Variants in APOH observed in about 807,000 individuals in gnomAD.
APOH encodes the protein beta-2-glycoprotein 1.
In APOH, 48 loss-of-function variants were observed where a neutral mutation model predicts 39.8. That is an observed-to-expected ratio of 1.21 (90% CI 0.96 to 1.54). The LOEUF (loss-of-function observed/expected upper bound fraction) is 1.54. Among genes scored for constraint, APOH ranks in the 40% most tolerant of loss-of-function variants. The pLI is 0.00. For missense variants in APOH, 415 were observed against 421.2 expected, an observed-to-expected ratio of 0.99 and a Z score of 0.13; for synonymous variants, 153 against 151.1, an observed-to-expected ratio of 1.01 and a Z score of -0.09.
intron 2 of APOH, among the ~76,000 whole-genome samples, chr17:66,226,889 T>A (rs2073442983): frequency 3.1e-5 from 3 of 95,834 alleles, no homozygotes; most frequent in Non-Finnish European, 5.8e-5. Context: ...TTTTATTTAT[T>A]TATTTATTTT....
chr17:66,212,053 C>G lies in APOH; in HGVS notation c.*80G>C. 8.1e-7 allele frequency: 1 copy of G among 1,240,236 alleles called. No individual in the cohort carries two copies. Among genetic ancestry groups the G allele is most frequent in the Admixed American group, 1.7e-5 (1 of 57,532 alleles). The allele number at this position is 1,240,236 out of a possible 1,614,324, so 76.8% of individuals were successfully genotyped here. A position where few individuals can be genotyped will look rare whatever the true frequency, so the allele number is the denominator to read the frequency against. On this transcript the variant is annotated 3_prime_UTR_variant, in exon 8 of 8. Coordinates refer to ENST00000205948, the MANE Select transcript of APOH (RefSeq NM_000042.3). ...ATGGGTGCGGCAATAAATTCAGTAGCTTTATTTTTAAATTTCAATTAGGTT... is the reference window on the plus strand; with the variant it reads ...ATGGGTGCGGCAATAAATTCAGTAGGTTTATTTTTAAATTTCAATTAGGTT...
In APOH at chr17:66,221,874, TG is replaced by T. The variant is rs200883288; in HGVS notation, c.416-1133del. Among the ~76,000 whole-genome samples the T allele has an allele frequency of 7.9e-5, 12 of 152,282 alleles. 1 individual carries two copies. The East Asian group carries it at 2.3e-3, about 29-fold the overall frequency. On this transcript the variant is annotated intron_variant, in intron 4 of 7. Coordinates refer to ENST00000205948, the MANE Select transcript of APOH (RefSeq NM_000042.3). ...ATTTACCTTGACTTCCCTAGATCCC[TG>T]CTGCTCAAAATGTGGTCCAGGGGCT...
intron 4 of APOH, among the ~76,000 whole-genome samples, chr17:66,221,401 AAGG>A (rs1360479371): frequency 3.8e-4 from 26 of 69,044 alleles, no homozygotes; most frequent in African/African-American, 6.8e-4. Context: ...GGAAGGAAGG[AAGG>A]AAGGAAGGAA....
intron 6 of APOH, among the ~76,000 whole-genome samples, chr17:66,215,467 C>T (rs575303615): frequency 4.6e-5 from 7 of 152,186 alleles, no homozygotes; most frequent in East Asian, 3.9e-4. Flanking sequence ...GCCTTACCCT[C>T]GCAAATCTGC....
intron 2 of APOH, among the ~76,000 whole-genome samples, chr17:66,227,544 T>C (rs1208513628): frequency 6.6e-6 from 1 of 152,204 alleles, no homozygotes; most frequent in Non-Finnish European, 1.5e-5. Flanking sequence ...TTATTTTAAT[T>C]TGACCTCTTT....
At chr17:66,216,738 C>T (rs1335853815) in intron 6 of APOH, 50 bp downstream of exon 6, 27 of 1,469,934 alleles carry the variant, frequency 1.8e-5, no homozygotes, top group Non-Finnish European at 2.4e-5. Flanking sequence ...TAAAGGTGAT[C>T]CACTGTATCA....
At chr17:66,227,272 A>T (rs540717661) in intron 2 of APOH, among the ~76,000 whole-genome samples, 62 of 152,338 alleles carry the variant, frequency 4.1e-4, no homozygotes, top group South Asian at 1.0e-3. Flanking sequence ...AAAGCATAGT[A>T]AAATCAACTT....
intron 4 of APOH, 37 bp downstream of exon 4, chr17:66,223,661 T>A: frequency 6.2e-7 from 1 of 1,600,190 alleles, no homozygotes; most frequent in Non-Finnish European, 8.6e-7. Context: ...AGAAAGGTTC[T>A]GGGCAAACCA....
intron 5 of APOH, among the ~76,000 whole-genome samples, chr17:66,219,619 G>A (rs2073385452): frequency 6.6e-6 from 1 of 152,154 alleles, no homozygotes; most frequent in Non-Finnish European, 1.5e-5. Flanking sequence ...GAAGTTAATA[G>A]TCACGAGAAT....
intron 5 of APOH, among the ~76,000 whole-genome samples, chr17:66,217,327 T>C (rs2146992473): frequency 6.8e-6 from 1 of 146,552 alleles, no homozygotes; most frequent in East Asian, 2.0e-4. Flanking sequence ...ACCATAAAAT[T>C]AAAATGCAAA....
rs1369861786 is a variant in APOH, at chr17:66,220,704, T to C, written c.454A>G (p.Thr152Ala). Residue 152 changes from threonine to alanine, a missense_variant, in exon 5 of 8, where the codon ACA becomes GCA. Around this residue, in one of 3 missense-constraint regions of APOH, gnomAD observed 288 missense variants for 284.9 expected, o/e 1.01. Transcript: ENST00000205948. ...GCTGATGGCTTATAAACACGAAGTG[T>C]TGCAAACGTAGGTATGGATGGTGGA... is the stretch of plus-strand genomic sequence containing the variant. ...CPPPSIPTFATLRVYKPSAGN... is the reference protein window; with the variant it reads ...CPPPSIPTFAALRVYKPSAGN... The C allele has an allele frequency of 6.2e-7, 1 of 1,613,986 alleles. No homozygotes were observed.
At position 66,224,470 on chromosome 17, in the gene APOH, T is replaced by TAAAAAAAAAAAAAAAA. The variant is rs760150264; in HGVS notation, c.339-712_339-697dup. On this transcript the variant is annotated intron_variant, in intron 3 of 7. Coordinates refer to ENST00000205948, the MANE Select transcript of APOH (RefSeq NM_000042.3). The stretch of plus-strand genomic sequence containing the variant: ...GACTGAGCAACAGAGGAAGATCCTG[T>TAAAAAAAAAAAAAAAA]AAAAAAAAAAAAAAAAAAAAAGAAA... Among the ~76,000 whole-genome samples, 2 of 43,016 alleles carry TAAAAAAAAAAAAAAAA rather than the reference T, an allele frequency of 4.6e-5. 1 individual carries two copies. Among genetic ancestry groups the TAAAAAAAAAAAAAAAA allele is most frequent in the Non-Finnish European group, 6.3e-5 (2 of 31,620 alleles). The allele number at this position is 43,016 out of a possible 152,430, so 28.2% of individuals were successfully genotyped here.
At position 66,221,266 on chromosome 17, in the gene APOH, A is replaced by AAAGGAAGGAAGG. The variant is rs369169198; in HGVS notation, c.416-536_416-525dup. Reference sequence around the variant, plus strand: ...CAGAAAGAAAGAGAGAGAGAGAAAGAAAGGAAGGAAGGAAGGAAGGAAGGA... The same window carrying AAAGGAAGGAAGG: ...CAGAAAGAAAGAGAGAGAGAGAAAGAAAGGAAGGAAGGAAGGAAGGAAGGAAGGAAGGAAGGA... On this transcript the variant is annotated intron_variant, in intron 4 of 7. Transcript: ENST00000205948. Among the ~76,000 whole-genome samples, 669 of 120,528 alleles carry AAAGGAAGGAAGG rather than the reference A, an allele frequency of 5.6e-3. 13 individuals are homozygous for AAAGGAAGGAAGG. Among genetic ancestry groups the AAAGGAAGGAAGG allele is most frequent in the East Asian group, 0.026 (115 of 4,354 alleles). The allele number at this position is 120,528 out of a possible 152,430, so 79.1% of individuals were successfully genotyped here.
Position 66,229,353 on chromosome 17 carries a change from G to T in APOH, c.27C>A (p.Phe9Leu). 1 of 1,613,864 alleles carries T rather than the reference G, an allele frequency of 6.2e-7. No homozygotes were observed. The highest frequency in any genetic ancestry group is 1.1e-5 in the South Asian group (1 of 91,042). The change falls in exon 1 of 8, where the codon TTC (phenylalanine) becomes TTA (leucine). Residue 9 changes from phenylalanine to leucine, a missense_variant. Coordinates refer to ENST00000205948, the MANE Select transcript of APOH (RefSeq NM_000042.3). ...TAGCAACATGGCAGAGAAAACTCGA[G>T]AACAAGATGAGCACTGGAGAAATCA... MISPVLILFSSFLCHVAIA... is the reference protein window; with the variant it reads MISPVLILLSSFLCHVAIA...
Position 66,226,079 on chromosome 17 carries a change from C to A in APOH, c.287G>T (p.Arg96Leu), listed in dbSNP as rs138847585. The A allele has an allele frequency of 1.9e-6, 3 of 1,613,572 alleles. No individual in the cohort carries two copies. Among genetic ancestry groups the A allele is most frequent in the Non-Finnish European group, 2.5e-6 (3 of 1,179,780 alleles). Reference sequence around the variant, plus strand: ...GTTGGGATATTCAAAAGTCGTATAGCGTACGGCTCCATTTTCTAAGATTCC... The same window carrying A: ...GTTGGGATATTCAAAAGTCGTATAGAGTACGGCTCCATTTTCTAAGATTCC... ...FAGILENGAVRYTTFEYPNTI... is the reference protein window; with the variant it reads ...FAGILENGAVLYTTFEYPNTI... The change falls in exon 3 of 8, where the codon CGC (arginine) becomes CTC (leucine). Residue 96 changes from arginine to leucine, a missense_variant. This residue lies in a region of APOH where 288 missense variants were observed against 284.9 expected (regional missense o/e 1.01). Coordinates refer to ENST00000205948, the MANE Select transcript of APOH (RefSeq NM_000042.3).
chr17:66,212,129 C>G lies in APOH; in HGVS notation c.*4G>C. The G allele has an allele frequency of 6.2e-7, 1 of 1,612,492 alleles. No individual in the cohort carries two copies. The highest frequency in any genetic ancestry group is 1.1e-5 in the South Asian group (1 of 90,966). On this transcript the variant is annotated 3_prime_UTR_variant, in exon 8 of 8. Transcript: ENST00000205948. ...GACATTTTGTGTGGAATCTGAAAACCACCTTAGCATGGCTTTACATCGGAT... is the reference window on the plus strand; with the variant it reads ...GACATTTTGTGTGGAATCTGAAAACGACCTTAGCATGGCTTTACATCGGAT...
At chr17:66,212,431 T>C (rs1285899136) in intron 7 of APOH, among the ~76,000 whole-genome samples, 1 of 152,066 alleles carries the variant, frequency 6.6e-6, no homozygotes, top group Non-Finnish European at 1.5e-5. Flanking sequence ...GTTGCCCAGG[T>C]TGGAGTGCAG....
chr17:66,228,149 T>C lies in APOH; in HGVS notation c.112A>G (p.Lys38Glu), dbSNP rs398124629. 1 of 1,614,184 alleles carries C rather than the reference T, an allele frequency of 6.2e-7. No homozygotes were observed. Among genetic ancestry groups the C allele is most frequent in the East Asian group, 2.2e-5 (1 of 44,874 alleles). ...DLPFSTVVPL[K>E]TFYEPGEEIT... ...TCTTCTCCTGGCTCATAGAATGTTTTTAACGGGACCACTGTGGAAAATGGT... is the reference window on the plus strand; with the variant it reads ...TCTTCTCCTGGCTCATAGAATGTTTCTAACGGGACCACTGTGGAAAATGGT... The change falls in exon 2 of 8, where the codon AAA becomes GAA. Residue 38 changes from lysine (K) to glutamate (E), a missense_variant. Physicochemically the swap from Lys to Glu is moderately conservative, Grantham distance 56. This residue lies in a region of APOH where 288 missense variants were observed against 284.9 expected (regional missense o/e 1.01). Transcript: ENST00000205948.
At chr17:66,213,366 T>C (rs142529775) in intron 7 of APOH, among the ~76,000 whole-genome samples, 1 of 152,148 alleles carries the variant, frequency 6.6e-6, no homozygotes, top group Non-Finnish European at 1.5e-5. Context: ...CTTAAAATAT[T>C]TTGCTCTAAT....
Sources: gnomAD v4.1 joint callset for allele counts (sites outside exome capture counted in the v4.1 genomes callset) on GRCh38, gnomAD v4.1.1 for gene constraint, gnomAD v4.1.1 regional missense constraint, MANE v1.5 for transcripts, NCBI Gene and HGNC (gene_info 2026-07-23, HGNC 2026-07-21) for gene names.